The following CNTNAP2 variants were observed in gnomAD, a reference collection of about 807,000 sequenced individuals.
CNTNAP2 encodes the protein contactin associated protein 2.
In CNTNAP2, 98 loss-of-function variants were observed where a neutral mutation model predicts 155.2. That is an observed-to-expected ratio of 0.63 (90% CI 0.54 to 0.75). The LOEUF is 0.75. Ranked by LOEUF, CNTNAP2 falls within the 30% of genes least tolerant of loss-of-function variation. The pLI, the probability that CNTNAP2 is intolerant of heterozygous loss-of-function variation, is 0.00. For missense variants in CNTNAP2, 1,727 were observed against 1,688.1 expected (o/e 1.02, Z -0.40); for synonymous variants, 651 against 631.2 (o/e 1.03, Z -0.47).
intron 1 of CNTNAP2, among the ~76,000 whole-genome samples, chr7:146,277,449 A>C (rs758090811): frequency 2.4e-4 from 36 of 152,204 alleles, no homozygotes; most frequent in Admixed American, 1.5e-3. Context: ...GAAATAACAC[A>C]GTCTGGAGGA....
chr7:146,994,232 G>A (rs573407329), intron 3 of CNTNAP2, among the ~76,000 whole-genome samples: 2 of 152,022 alleles, frequency 1.3e-5, no homozygotes, highest in Non-Finnish European at 2.9e-5. Flanking sequence ...CTTTTCTAAT[G>A]CATTTATTGC....
intron 8 of CNTNAP2, among the ~76,000 whole-genome samples, chr7:147,286,143 A>T (rs1342123846): frequency 6.6e-6 from 1 of 152,104 alleles, no homozygotes; most frequent in Non-Finnish European, 1.5e-5. Context: ...AGAGGAATTG[A>T]TTTGAATGTC....
At chr7:147,117,412 G>A (rs1424133256) in intron 5 of CNTNAP2, among the ~76,000 whole-genome samples, 5 of 152,094 alleles carry the variant, frequency 3.3e-5, no homozygotes, top group East Asian at 1.9e-4. Context: ...TTGGCTCCAC[G>A]TCGCTCCTGG....
intron 9 of CNTNAP2, among the ~76,000 whole-genome samples, chr7:147,348,211 A>G (rs1429923311): frequency 1.3e-5 from 2 of 152,112 alleles, no homozygotes; most frequent in Non-Finnish European, 2.9e-5. Flanking sequence ...GGACATAATC[A>G]ACAGAGTAAA....
intron 21 of CNTNAP2, among the ~76,000 whole-genome samples, chr7:148,286,490 T>C (rs1797084714): frequency 6.6e-6 from 1 of 152,208 alleles, no homozygotes; most frequent in African/African-American, 2.4e-5. Flanking sequence ...AAAGGATTAA[T>C]ATAAATCATA....
intron 1 of CNTNAP2, among the ~76,000 whole-genome samples, chr7:146,121,004 G>A (rs991622248): frequency 6.6e-6 from 1 of 151,468 alleles, no homozygotes; most frequent in East Asian, 1.9e-4. Context: ...TCTATTTTAA[G>A]TGGGAAAACC....
chr7:147,315,478 CTT>C (rs3050776), intron 9 of CNTNAP2, among the ~76,000 whole-genome samples: 3,371 of 103,750 alleles, frequency 0.032, 55 homozygotes, highest in Middle Eastern at 0.059. Context: ...TTATTCTGGA[CTT>C]TTTTTTTTTT....
intron 3 of CNTNAP2, among the ~76,000 whole-genome samples, chr7:146,954,183 C>T (rs552934186): frequency 2.6e-5 from 4 of 152,044 alleles, no homozygotes; most frequent in African/African-American, 7.2e-5. Context: ...CTTATAATCT[C>T]TCACGCAATG....
intron 1 of CNTNAP2, among the ~76,000 whole-genome samples, chr7:146,708,571 GAA>G (rs35109376): frequency 0.056 from 4,085 of 72,564 alleles, 134 homozygotes; most frequent in Middle Eastern, 0.12. Flanking sequence ...CTCTGTTTAA[GAA>G]AAAAAAAAAA....
At chr7:147,513,471 AG>A (rs1799057575) in intron 11 of CNTNAP2, among the ~76,000 whole-genome samples, 1 of 152,168 alleles carries the variant, frequency 6.6e-6, no homozygotes, top group African/African-American at 2.4e-5. Context: ...AAATAAATAC[AG>A]GGTTCTCTAC....
At chr7:147,427,266 C>G (rs1423055888) in intron 10 of CNTNAP2, among the ~76,000 whole-genome samples, 1 of 152,096 alleles carries the variant, frequency 6.6e-6, no homozygotes, top group Non-Finnish European at 1.5e-5. Flanking sequence ...CTTCTTAATA[C>G]AGTTGCATTG....
intron 23 of CNTNAP2, among the ~76,000 whole-genome samples, chr7:148,413,446 A>ATATATT (rs1799900831): frequency 9.2e-6 from 1 of 108,164 alleles, no homozygotes; most frequent in African/African-American, 3.7e-5. Flanking sequence ...ATATATATAT[A>ATATATT]TTGCTCCATA....
rs1554447400 is a variant in CNTNAP2, at chr7:146,550,410, T to TGTTTTG, written c.98-223861_98-223860insGTTTTG. ...TGAGGTCCATTAATCTGTTTTTTTTTTTTTTTTTTTTTTTTTTTTATAAAG... is the reference window on the plus strand; with the variant it reads ...TGAGGTCCATTAATCTGTTTTTTTTTGTTTTGTTTTTTTTTTTTTTTTTTTATAAAG... On this transcript the variant is annotated intron_variant, in intron 1 of 23. Transcript: ENST00000361727. 7.0e-5 allele frequency among the ~76,000 whole-genome samples: 8 copies of TGTTTTG among 114,088 alleles called. No individual in the cohort carries two copies. In the South Asian group the frequency reaches 1.5e-3, roughly 21 times the overall value. The allele number at this position is 114,088 out of a possible 152,430, so 74.8% of individuals were successfully genotyped here.
chr7:146,596,134 A>G (rs1014718529), intron 1 of CNTNAP2, among the ~76,000 whole-genome samples: 2 of 152,024 alleles, frequency 1.3e-5, no homozygotes, highest in African/African-American at 4.8e-5. Context: ...ATAACTAATA[A>G]TCATATAAAT....
At chr7:146,794,002 C>T (rs1015039300) in intron 2 of CNTNAP2, among the ~76,000 whole-genome samples, 4 of 152,130 alleles carry the variant, frequency 2.6e-5, no homozygotes, top group Admixed American at 6.5e-5. Context: ...TCTCTCTCAC[C>T]GGGTTCTAGA....
At chr7:146,717,375 T>C (rs116362001) in intron 1 of CNTNAP2, among the ~76,000 whole-genome samples, 5,096 of 140,092 alleles carry the variant, frequency 0.036, 131 homozygotes, top group East Asian at 0.13. Flanking sequence ...AAGCCATGTG[T>C]GGTGGTGGGT....
In CNTNAP2 at chr7:147,796,581, TTA is replaced by T. The variant is rs752907371; in HGVS notation, c.2099-106983_2099-106982del. ...TAGCAGGAAGCTGGTCCAGGATTTA[TTA>T]AAAAAAAAAAACATAAAACATGTTT... On this transcript the variant is annotated intron_variant, in intron 13 of 23. Coordinates refer to ENST00000361727, the MANE Select transcript of CNTNAP2 (RefSeq NM_014141.6). Among the ~76,000 whole-genome samples the T allele has an allele frequency of 3.8e-4, 33 of 87,356 alleles. No homozygotes were observed. In the East Asian group the frequency reaches 4.3e-3, roughly 11 times the overall value. 57.3% of individuals were successfully genotyped at this position (87,356 alleles called of 152,430 possible).
At chr7:147,915,196 A>T (rs868649586) in intron 14 of CNTNAP2, among the ~76,000 whole-genome samples, 1 of 152,230 alleles carries the variant, frequency 6.6e-6, no homozygotes, top group Non-Finnish European at 1.5e-5. Flanking sequence ...CAAACAAAGC[A>T]TCTTACTGGC....
chr7:147,332,326 T>C (rs889558896), intron 9 of CNTNAP2, among the ~76,000 whole-genome samples: 7 of 152,208 alleles, frequency 4.6e-5, no homozygotes, highest in African/African-American at 1.4e-4. Flanking sequence ...ATAAGTGTTT[T>C]TGTGTATTTG....
Sources: gnomAD v4.1 joint callset for allele counts (sites outside exome capture counted in the v4.1 genomes callset) on GRCh38, gnomAD v4.1.1 for gene constraint, MANE v1.5 for transcripts, NCBI Gene and HGNC (gene_info 2026-07-23, HGNC 2026-07-21) for gene names.